The following ARHGEF3 variants were observed in gnomAD, a reference collection of about 807,000 sequenced individuals.
ARHGEF3 encodes the protein 59.8 kDA protein.
In ARHGEF3, 28 loss-of-function variants were observed where a neutral mutation model predicts 63.2. That is an observed-to-expected ratio of 0.44 (90% confidence interval 0.33 to 0.61). ARHGEF3 has a LOEUF of 0.61. Ranked by LOEUF, ARHGEF3 falls within the 20% of genes least tolerant of loss-of-function variation. The pLI is 0.03. For missense variants in ARHGEF3, 533 were observed against 659.3 expected (o/e 0.81, Z 2.10); for synonymous variants, 266 against 254.2 (o/e 1.05, Z -0.44).
chr3:57,044,944 G>T (rs1704382697), intron 1 of ARHGEF3, among the ~76,000 whole-genome samples: 1 of 152,064 alleles, frequency 6.6e-6, no homozygotes, highest in Admixed American at 6.6e-5. Flanking sequence ...GGTTCCAATG[G>T]AACAAAAAAG....
chr3:56,822,117 A>T (rs2038530551), intron 4 of ARHGEF3, among the ~76,000 whole-genome samples: 1 of 152,236 alleles, frequency 6.6e-6, no homozygotes, highest in African/African-American at 2.4e-5. Context: ...AGAAATAATA[A>T]TAGACTAGCT....
chr3:56,749,777 C>A (rs192780062), intron 6 of ARHGEF3, among the ~76,000 whole-genome samples: 3,995 of 152,180 alleles, frequency 0.026, 100 homozygotes, highest in East Asian at 0.072. Flanking sequence ...TTTCGGATAC[C>A]TTTGGGATAT....
At chr3:56,737,124 C>T in intron 8 of ARHGEF3, 61 bp downstream of exon 8, 1 of 1,469,874 alleles carries the variant, frequency 6.8e-7, no homozygotes, top group Non-Finnish European at 9.2e-7. Flanking sequence ...GGAGGCTCCA[C>T]ACCAAATGAA....
At chr3:56,752,963 T>C (rs544163950) in intron 4 of ARHGEF3, among the ~76,000 whole-genome samples, 1 of 151,930 alleles carries the variant, frequency 6.6e-6, no homozygotes, top group Non-Finnish European at 1.5e-5. Flanking sequence ...AGCCATGGAG[T>C]TGGGGGGCTG....
At chr3:56,923,807 C>A (rs142867516) in intron 3 of ARHGEF3, among the ~76,000 whole-genome samples, 2 of 152,212 alleles carry the variant, frequency 1.3e-5, no homozygotes, top group South Asian at 2.1e-4. Context: ...ATTGGTATTG[C>A]CACTTTTTCT....
At chr3:56,740,781 C>T (rs549210253) in intron 7 of ARHGEF3, among the ~76,000 whole-genome samples, 2 of 152,306 alleles carry the variant, frequency 1.3e-5, no homozygotes, top group South Asian at 2.1e-4. Flanking sequence ...TTAACTGTTA[C>T]CAGGTGTACC....
chr3:56,981,413 A>G (rs1350512021), intron 2 of ARHGEF3, among the ~76,000 whole-genome samples: 2 of 152,320 alleles, frequency 1.3e-5, no homozygotes, highest in East Asian at 3.9e-4. Context: ...TGCACACTAT[A>G]AAGGCAGAGG....
intron 4 of ARHGEF3, among the ~76,000 whole-genome samples, chr3:56,877,069 A>C (rs2040608311): frequency 6.6e-6 from 1 of 152,228 alleles, no homozygotes; most frequent in African/African-American, 2.4e-5. Flanking sequence ...GGATAAACCT[A>C]TTCAGAGATT....
At chr3:56,870,820 A>AATACTT (rs147265510) in intron 4 of ARHGEF3, among the ~76,000 whole-genome samples, 2 of 151,532 alleles carry the variant, frequency 1.3e-5, no homozygotes, top group African/African-American at 2.4e-5. Flanking sequence ...ATATAGAAGA[A>AATACTT]AAAGACAAGG....
intron 2 of ARHGEF3, among the ~76,000 whole-genome samples, chr3:56,980,274 T>C (rs1201702469): frequency 6.6e-6 from 1 of 152,220 alleles, no homozygotes; most frequent in African/African-American, 2.4e-5. Context: ...CACTTAAACA[T>C]GCCCAGAACA....
intron 1 of ARHGEF3, among the ~76,000 whole-genome samples, chr3:57,063,249 C>CA (rs1278207309): frequency 4.0e-5 from 6 of 151,774 alleles, no homozygotes; most frequent in Non-Finnish European, 7.4e-5. Flanking sequence ...AGAGAGGAGT[C>CA]AGAGAGGAAA....
chr3:56,727,530 C>A lies in ARHGEF3; in HGVS notation c.*1740G>T, dbSNP rs985382025. The A allele has an allele frequency of 2.0e-5, 3 of 152,664 alleles. No individual in the cohort carries two copies. The highest frequency in any genetic ancestry group is 4.4e-5 in the Non-Finnish European group (3 of 68,048). 9.5% of individuals were successfully genotyped at this position (152,664 alleles called of 1,614,324 possible). A position where few individuals can be genotyped will look rare whatever the true frequency, so the allele number is the denominator to read the frequency against. On this transcript the variant is annotated 3_prime_UTR_variant, in exon 10 of 10. Transcript: ENST00000296315. The stretch of plus-strand genomic sequence containing the variant: ...TTGACCACCTTCCCATAGGCCAACA[C>A]TTGACAAACCTCTTTTCCCAACACA...
At chr3:56,889,438 CAG>C (rs934628296) in intron 3 of ARHGEF3, among the ~76,000 whole-genome samples, 19 of 152,072 alleles carry the variant, frequency 1.2e-4, no homozygotes, top group African/African-American at 4.6e-4. Flanking sequence ...TGGAGGGAAA[CAG>C]ACGCTGGAAT....
chr3:56,847,702 C>T (rs916119496), intron 4 of ARHGEF3, among the ~76,000 whole-genome samples: 20 of 152,170 alleles, frequency 1.3e-4, no homozygotes, highest in African/African-American at 3.6e-4. Flanking sequence ...CTCGGCCTCC[C>T]GAGTAACTAG....
At chr3:56,741,385 T>C (rs1252762576) in intron 7 of ARHGEF3, among the ~76,000 whole-genome samples, 1 of 151,648 alleles carries the variant, frequency 6.6e-6, no homozygotes, top group Non-Finnish European at 1.5e-5. Flanking sequence ...GGATTTTCCA[T>C]GTTGGTCAGG....
chr3:56,981,110 C>T (rs1380912126), intron 2 of ARHGEF3, among the ~76,000 whole-genome samples: 6 of 152,214 alleles, frequency 3.9e-5, no homozygotes, highest in Non-Finnish European at 8.8e-5. Context: ...CCCCATCTTC[C>T]TGGGGAAATA....
chr3:56,810,144 C>A (rs979545022), intron 4 of ARHGEF3, among the ~76,000 whole-genome samples: 4 of 152,180 alleles, frequency 2.6e-5, no homozygotes, highest in African/African-American at 9.7e-5. Context: ...TACATTCCAG[C>A]TTTGGATATT....
intron 2 of ARHGEF3, among the ~76,000 whole-genome samples, chr3:56,986,763 A>G (rs1350806745): frequency 6.6e-6 from 1 of 151,858 alleles, no homozygotes; most frequent in African/African-American, 2.4e-5. Flanking sequence ...GACAGTAGGT[A>G]GGAAAGAAGT....
chr3:56,822,761 C>T (rs940551942), intron 4 of ARHGEF3, among the ~76,000 whole-genome samples: 10 of 149,226 alleles, frequency 6.7e-5, no homozygotes, highest in Admixed American at 5.4e-4. Context: ...GCTGAGTCAA[C>T]GAGAATCACT....
Sources: gnomAD v4.1 joint callset for allele counts (sites outside exome capture counted in the v4.1 genomes callset) on GRCh38, gnomAD v4.1.1 for gene constraint, MANE v1.5 for transcripts, NCBI Gene and HGNC (gene_info 2026-07-23, HGNC 2026-07-21) for gene names.